Variants in ACSF2 observed in about 807,000 individuals in gnomAD.
ACSF2 encodes the protein medium-chain acyl-CoA ligase ACSF2, mitochondrial.
In ACSF2, 52 loss-of-function variants were observed where a neutral mutation model predicts 79.3. The observed-to-expected ratio is 0.66, with a 90% CI of 0.53 to 0.83. The LOEUF (loss-of-function observed/expected upper bound fraction) is 0.83. Among genes scored for constraint, ACSF2 ranks in the 40% least tolerant of loss-of-function variants. The probability of loss-of-function intolerance (pLI) is 0.00; values close to 1 mark genes in which losing one functional copy is unlikely to be tolerated. For missense variants in ACSF2, 661 were observed against 803.3 expected, an observed-to-expected ratio of 0.82 and a Z score of 2.14; for synonymous variants, 283 against 312.6, an observed-to-expected ratio of 0.91 and a Z score of 1.00.
intron 10 of ACSF2, chr17:50,465,750 T>C (rs2032664547): frequency 3.7e-6 from 6 of 1,613,420 alleles, no homozygotes; most frequent in African/African-American, 1.3e-5. Flanking sequence ...CAGGGGTTAT[T>C]GGTAAGGGCG....
intron 1 of ACSF2, among the ~76,000 whole-genome samples, chr17:50,458,543 C>T (rs1309895483): frequency 1.3e-5 from 2 of 152,194 alleles, no homozygotes; most frequent in South Asian, 2.1e-4. Flanking sequence ...TACAGGTGCT[C>T]CTAGGACCAC....
chr17:50,465,480 G>A, intron 10 of ACSF2: 1 of 1,609,538 alleles, frequency 6.2e-7, no homozygotes, highest in Non-Finnish European at 8.5e-7. Flanking sequence ...GAAGAAGGTG[G>A]GAGTGCTGGG....
chr17:50,462,655 G>T, intron 6 of ACSF2, 70 bp downstream of exon 6: 1 of 1,547,842 alleles, frequency 6.5e-7, no homozygotes, highest in South Asian at 1.2e-5. Context: ...CACTTCCGCG[G>T]GGATGGGGAG....
chr17:50,446,892 T>C (rs2031338781), intron 1 of ACSF2, among the ~76,000 whole-genome samples: 1 of 152,220 alleles, frequency 6.6e-6, no homozygotes, highest in Admixed American at 6.5e-5. Flanking sequence ...TGTTCCATCG[T>C]TGATGGACAT....
Position 50,471,485 on chromosome 17 carries a change from T to C in ACSF2, c.1323+350T>C. ...GAGAGTTTTCCTACACAGCTTCTTTTCCTCCAGTGGTGCTCGCCTCTCGCT... is the reference window on the plus strand; with the variant it reads ...GAGAGTTTTCCTACACAGCTTCTTTCCCTCCAGTGGTGCTCGCCTCTCGCT... On this transcript the variant is annotated intron_variant, in intron 11 of 15. Coordinates refer to ENST00000300441, the MANE Select transcript of ACSF2 (RefSeq NM_025149.6). This position sits in a 1 kb window ranked among gnomAD's most constrained non-coding sequence, Gnocchi z 4.1. The C allele has an allele frequency of 3.2e-6, 1 of 307,702 alleles. No homozygotes were observed. The highest frequency in any genetic ancestry group is 6.3e-6 in the Non-Finnish European group (1 of 157,874). 19.1% of individuals were successfully genotyped at this position (307,702 alleles called of 1,614,324 possible).
intron 1 of ACSF2, among the ~76,000 whole-genome samples, chr17:50,453,887 T>C (rs1172742529): frequency 6.6e-6 from 1 of 151,786 alleles, no homozygotes; most frequent in Non-Finnish European, 1.5e-5. Flanking sequence ...TCAAGAGATC[T>C]TCCTGCCTCA....
intron 1 of ACSF2, among the ~76,000 whole-genome samples, chr17:50,434,861 A>G (rs2030258399): frequency 6.6e-6 from 1 of 151,402 alleles, no homozygotes. Flanking sequence ...AACTGCACAG[A>G]TCTTTTTTTT....
chr17:50,443,130 G>A (rs8065039), intron 1 of ACSF2, among the ~76,000 whole-genome samples: 9,202 of 152,012 alleles, frequency 0.061, 939 homozygotes, highest in African/African-American at 0.21. Context: ...GGATGGTCTC[G>A]ATCTCCTGAC....
intron 1 of ACSF2, among the ~76,000 whole-genome samples, chr17:50,453,822 G>T (rs1043084793): frequency 6.6e-6 from 1 of 150,854 alleles, no homozygotes; most frequent in Non-Finnish European, 1.5e-5. Context: ...ACAGGCTCTT[G>T]CTCTGTTGCC....
At chr17:50,427,467 A>G (rs1915098841) in intron 1 of ACSF2, among the ~76,000 whole-genome samples, 1 of 152,056 alleles carries the variant, frequency 6.6e-6, no homozygotes, top group Admixed American at 6.5e-5. Flanking sequence ...GATGGGATTG[A>G]GATGAGGACA....
chr17:50,442,874 G>A (rs778021649), intron 1 of ACSF2, among the ~76,000 whole-genome samples: 2 of 151,196 alleles, frequency 1.3e-5, no homozygotes, highest in Non-Finnish European at 2.9e-5. Context: ...TTGCTAAGTG[G>A]CAATTAATCA....
At chr17:50,462,975 T>A (rs2032441535) in intron 6 of ACSF2, 181 bp from the exon 7 acceptor site, 2 of 624,616 alleles carry the variant, frequency 3.2e-6, no homozygotes, top group Non-Finnish European at 5.6e-6. Context: ...GACCTTATCT[T>A]CTGCATTGCT....
At chr17:50,472,370 A>G in intron 11 of ACSF2, 58 bp from the exon 12 acceptor site, 1 of 1,573,060 alleles carries the variant, frequency 6.4e-7, no homozygotes, top group Non-Finnish European at 8.6e-7. Context: ...ATTTCCAAGG[A>G]CCACCTATCC....
At chr17:50,449,083 T>C (rs1484900248) in intron 1 of ACSF2, among the ~76,000 whole-genome samples, 1 of 147,416 alleles carries the variant, frequency 6.8e-6, no homozygotes, top group Non-Finnish European at 1.5e-5. Flanking sequence ...GTGGTGCAAT[T>C]TGGGCCTGCT....
intron 12 of ACSF2, 32 bp downstream of exon 12, chr17:50,472,611 C>T: frequency 1.3e-6 from 2 of 1,567,214 alleles, no homozygotes; most frequent in Non-Finnish European, 1.7e-6. Flanking sequence ...GAGGCTCTGG[C>T]CGCTGAGGGG....
chr17:50,449,960 C>G (rs1406880787), intron 1 of ACSF2, among the ~76,000 whole-genome samples: 1 of 152,062 alleles, frequency 6.6e-6, no homozygotes, highest in Admixed American at 6.6e-5. Flanking sequence ...CAGCTTTTAC[C>G]TTCAGTTTCT....
intron 10 of ACSF2, chr17:50,468,295 C>T: frequency 6.2e-7 from 1 of 1,613,650 alleles, no homozygotes; most frequent in African/African-American, 1.3e-5. Context: ...AGAGCCAGCG[C>T]AGGTCCTTGG....
At chr17:50,460,233 G>A in intron 1 of ACSF2, 1 of 457,398 alleles carries the variant, frequency 2.2e-6, no homozygotes, top group Non-Finnish European at 4.4e-6. Flanking sequence ...CCACCAAGGA[G>A]TCTAAAATCC....
chr17:50,429,831 C>T (rs1236422650), intron 1 of ACSF2, among the ~76,000 whole-genome samples: 4 of 152,044 alleles, frequency 2.6e-5, no homozygotes, highest in Non-Finnish European at 5.9e-5. Flanking sequence ...AGTCTTTCTC[C>T]CCAGAAGGAA....
Sources: allele counts gnomAD v4.1 joint callset (sites outside exome capture counted in the v4.1 genomes callset), GRCh38; gene constraint gnomAD v4.1.1; non-coding constraint Gnocchi (gnomAD v3.1); transcripts MANE v1.5; gene names NCBI Gene and HGNC (gene_info 2026-07-23, HGNC 2026-07-21).